SDCCAG8: variants seen among roughly 807,000 people sequenced by gnomAD.
SDCCAG8 encodes serologically defined colon cancer antigen 8.
In SDCCAG8, 74 loss-of-function variants were observed where a neutral mutation model predicts 101.8. The ratio of observed to expected loss-of-function variants is 0.73; its 90% confidence interval spans 0.60 to 0.88. The LOEUF (loss-of-function observed/expected upper bound fraction) is 0.88. SDCCAG8 is among the 40% of genes least tolerant of loss of function. The probability of loss-of-function intolerance (pLI) is 0.00; values close to 1 mark genes in which losing one functional copy is unlikely to be tolerated. For synonymous variants in SDCCAG8, 281 were observed against 292.9 expected (o/e 0.96, Z 0.41); for missense variants, 787 against 822.6 (o/e 0.96, Z 0.53).
intron 12 of SDCCAG8, among the ~76,000 whole-genome samples, chr1:243,372,902 C>CTATATCTATATCTA (rs1442832980): frequency 2.6e-5 from 1 of 38,554 alleles, no homozygotes; most frequent in African/African-American, 1.2e-4. Flanking sequence ...GGAACCATAT[C>CTATATCTATATCTA]TATATCTATA....
At chr1:243,336,448 T>C (rs1189440481) in intron 10 of SDCCAG8, among the ~76,000 whole-genome samples, 1 of 152,192 alleles carries the variant, frequency 6.6e-6, no homozygotes, top group Non-Finnish European at 1.5e-5. Context: ...AGAGCTTTAA[T>C]TGGCTCATGG....
In SDCCAG8 at chr1:243,313,943, G is replaced by C. The variant is rs574594471; in HGVS notation, c.930-2812G>C. 8.0e-4 allele frequency among the ~76,000 whole-genome samples: 122 copies of C among 152,330 alleles called. 1 individual carries two copies. The highest frequency in any genetic ancestry group is 2.7e-3 in the African/African-American group (113 of 41,588). ...TGAAAGCTCAGACAAGATGAAGCCA[G>C]ATGGCCACAGGAATGGAGTAGGAAG... On this transcript the variant is annotated intron_variant, in intron 8 of 17. Transcript: ENST00000366541.
At chr1:243,496,933 G>A (rs537492425) in intron 17 of SDCCAG8, among the ~76,000 whole-genome samples, 3 of 152,376 alleles carry the variant, frequency 2.0e-5, no homozygotes, top group East Asian at 3.9e-4. Context: ...CACGGCAGGG[G>A]AGCAGTGGCC....
chr1:243,265,134 ATTC>A (rs1186754966), intron 1 of SDCCAG8, among the ~76,000 whole-genome samples: 1 of 152,192 alleles, frequency 6.6e-6, no homozygotes, highest in African/African-American at 2.4e-5. Context: ...TCTGAGTGTT[ATTC>A]TTCTTCACAT....
intron 6 of SDCCAG8, among the ~76,000 whole-genome samples, chr1:243,299,236 T>C (rs538230542): frequency 6.6e-6 from 1 of 152,352 alleles, no homozygotes; most frequent in African/African-American, 2.4e-5. Context: ...GAAAAACACA[T>C]GAGTTTTGTA....
At chr1:243,296,657 C>T (rs1178912266) in intron 6 of SDCCAG8, among the ~76,000 whole-genome samples, 1 of 149,738 alleles carries the variant, frequency 6.7e-6, no homozygotes, top group African/African-American at 2.5e-5. Flanking sequence ...ATTCTCCTGC[C>T]TCAGCCTCCC....
intron 12 of SDCCAG8, among the ~76,000 whole-genome samples, chr1:243,359,604 A>G (rs2490393): frequency 0.78 from 118,040 of 152,132 alleles, 45,900 homozygotes; most frequent in East Asian, 0.97. Context: ...CAGATGAGGA[A>G]GGAAAGACAG....
At chr1:243,429,471 G>A (rs1166575996) in intron 16 of SDCCAG8, among the ~76,000 whole-genome samples, 1 of 152,072 alleles carries the variant, frequency 6.6e-6, no homozygotes, top group Non-Finnish European at 1.5e-5. Flanking sequence ...TGTTGCTCAA[G>A]GGCCAACTGT....
chr1:243,315,218 C>A (rs1301285235), intron 8 of SDCCAG8, among the ~76,000 whole-genome samples: 1 of 152,130 alleles, frequency 6.6e-6, no homozygotes, highest in Non-Finnish European at 1.5e-5. Flanking sequence ...AACTGGATTG[C>A]ATATCCTTGA....
At chr1:243,355,378 C>T (rs1438984680) in intron 12 of SDCCAG8, among the ~76,000 whole-genome samples, 1 of 151,764 alleles carries the variant, frequency 6.6e-6, no homozygotes. Context: ...ATAAATTATA[C>T]AAGTAGTAGT....
chr1:243,346,269 CAA>C (rs757419600), intron 12 of SDCCAG8: 1 of 154,342 alleles, frequency 6.5e-6, no homozygotes, highest in African/African-American at 2.4e-5. Flanking sequence ...CATCTGCACT[CAA>C]GAGAGAAATT....
At chr1:243,390,483 C>A (rs1289609466) in intron 13 of SDCCAG8, among the ~76,000 whole-genome samples, 1 of 152,218 alleles carries the variant, frequency 6.6e-6, no homozygotes, top group Non-Finnish European at 1.5e-5. Context: ...GGGCTAAGAA[C>A]CCTGGTCTCA....
At chr1:243,388,787 G>A (rs1036193607) in intron 13 of SDCCAG8, among the ~76,000 whole-genome samples, 9 of 151,236 alleles carry the variant, frequency 6.0e-5, no homozygotes, top group African/African-American at 9.7e-5. Flanking sequence ...ATGGTGGTGC[G>A]CGCCTGGGTC....
chr1:243,365,433 A>C (rs1377701106), intron 12 of SDCCAG8, among the ~76,000 whole-genome samples: 1 of 152,150 alleles, frequency 6.6e-6, no homozygotes, highest in African/African-American at 2.4e-5. Context: ...TGTACATCGA[A>C]GTCTTGGAAG....
At chr1:243,351,180 C>A (rs1024960769) in intron 12 of SDCCAG8, among the ~76,000 whole-genome samples, 1 of 152,150 alleles carries the variant, frequency 6.6e-6, no homozygotes, top group African/African-American at 2.4e-5. Context: ...TTTGGGCCTG[C>A]CTTTGGTACA....
In SDCCAG8 at chr1:243,500,023, T is replaced by C; in HGVS notation, c.*238T>C. 1 of 582,014 alleles carries C rather than the reference T, an allele frequency of 1.7e-6. No homozygotes were observed. The highest frequency in any genetic ancestry group is 2.2e-5 in the South Asian group (1 of 45,594). 36.1% of individuals were successfully genotyped at this position (582,014 alleles called of 1,614,324 possible). A position where few individuals can be genotyped will look rare whatever the true frequency, so the allele number is the denominator to read the frequency against. Reference sequence around the variant, plus strand: ...TGTTTTCAGAAATGGCTTGAAGTTATGTGTTTAAATCTGCTCATTCGTATG... The same window carrying C: ...TGTTTTCAGAAATGGCTTGAAGTTACGTGTTTAAATCTGCTCATTCGTATG... On this transcript the variant is annotated 3_prime_UTR_variant, in exon 18 of 18. Transcript: ENST00000366541.
At chr1:243,289,084 A>T (rs1558239593) in intron 5 of SDCCAG8, among the ~76,000 whole-genome samples, 1 of 151,764 alleles carries the variant, frequency 6.6e-6, no homozygotes, top group Non-Finnish European at 1.5e-5. Context: ...AATATGATAT[A>T]ATATATATAT....
At chr1:243,475,209 C>T (rs1448828161) in intron 16 of SDCCAG8, among the ~76,000 whole-genome samples, 1 of 152,210 alleles carries the variant, frequency 6.6e-6, no homozygotes, top group Non-Finnish European at 1.5e-5. Context: ...ACCGCCGCCA[C>T]TAAGCTTTGC....
At chr1:243,373,236 A>G (rs550580305) in intron 12 of SDCCAG8, among the ~76,000 whole-genome samples, 1 of 152,172 alleles carries the variant, frequency 6.6e-6, no homozygotes, top group Non-Finnish European at 1.5e-5. Flanking sequence ...GCTTGAGTGT[A>G]CTGCTTTAGA....
Sources: allele counts gnomAD v4.1 joint callset (sites outside exome capture counted in the v4.1 genomes callset), GRCh38; gene constraint gnomAD v4.1.1; transcripts MANE v1.5; gene names NCBI Gene and HGNC (gene_info 2026-07-23, HGNC 2026-07-21).